The following CCDC171 variants were observed in gnomAD, a reference collection of about 807,000 sequenced individuals.
The protein encoded by CCDC171 is coiled-coil domain containing 171.
In CCDC171, 177 loss-of-function variants were observed where a neutral mutation model predicts 168.2. The observed-to-expected ratio is 1.05, with a 90% confidence interval of 0.93 to 1.19. The LOEUF is 1.19. Ranked by LOEUF, CCDC171 falls within the 50% of genes most tolerant of loss-of-function variation. CCDC171 has a pLI of 0.00. For missense variants in CCDC171, 1,991 were observed against 1,539.0 expected (o/e 1.29, Z -4.91); for synonymous variants, 687 against 540.8 (o/e 1.27, Z -3.75).
At chr9:15,642,855 A>C (rs1587682602) in intron 7 of CCDC171, among the ~76,000 whole-genome samples, 1 of 152,166 alleles carries the variant, frequency 6.6e-6, no homozygotes, top group African/African-American at 2.4e-5. Flanking sequence ...TGGAGTGAAA[A>C]CTAGATCATT....
chr9:16,035,440 A>G (rs1418963431), intron 6 of CCDC171: 1 of 152,104 alleles, frequency 6.6e-6, no homozygotes, highest in East Asian at 1.9e-4. Flanking sequence ...GAGTTCACAG[A>G]TTACTTCCTG....
At chr9:16,037,434 T>C (rs1156721889) in intron 8 of CCDC171, among the ~76,000 whole-genome samples, 1 of 152,148 alleles carries the variant, frequency 6.6e-6, no homozygotes, top group Non-Finnish European at 1.5e-5. Context: ...CTGAAGATGA[T>C]CTCAGCTTCC....
chr9:16,056,225 T>C (rs1304684260), intron 1 of CCDC171, among the ~76,000 whole-genome samples: 1 of 152,244 alleles, frequency 6.6e-6, no homozygotes, highest in East Asian at 1.9e-4. Flanking sequence ...TTCCACATTT[T>C]TGTAATGAGT....
intron 21 of CCDC171, among the ~76,000 whole-genome samples, chr9:15,839,761 C>A (rs929207444): frequency 6.6e-6 from 1 of 152,066 alleles, no homozygotes; most frequent in Non-Finnish European, 1.5e-5. Context: ...TGGAACACTC[C>A]CCATAGTGAA....
At chr9:15,682,952 G>A (rs1418060417) in intron 10 of CCDC171, among the ~76,000 whole-genome samples, 10 of 151,920 alleles carry the variant, frequency 6.6e-5, no homozygotes. Context: ...ATCCAGCTGG[G>A]TCTTTTAGAC....
chr9:15,846,442 A>G (rs1451286924), intron 21 of CCDC171, among the ~76,000 whole-genome samples: 2 of 152,160 alleles, frequency 1.3e-5, no homozygotes, highest in African/African-American at 4.8e-5. Flanking sequence ...TATTTTTAGT[A>G]AGAATACAAT....
At chr9:15,743,486 CTT>C (rs2055040426) in intron 16 of CCDC171, among the ~76,000 whole-genome samples, 2 of 152,046 alleles carry the variant, frequency 1.3e-5, no homozygotes, top group African/African-American at 2.4e-5. Flanking sequence ...TAATTTTACT[CTT>C]TCTTTCAAGA....
chr9:16,089,806 C>T, the CCDC171 span, among the ~76,000 whole-genome samples: 2 of 151,720 alleles, frequency 1.3e-5, no homozygotes, highest in African/African-American at 4.8e-5. Flanking sequence ...TTTATGCACT[C>T]AAGAAACATG....
At chr9:15,927,599 C>T (rs1407634810) in intron 25 of CCDC171, among the ~76,000 whole-genome samples, 2 of 151,466 alleles carry the variant, frequency 1.3e-5, no homozygotes, top group African/African-American at 2.4e-5. Flanking sequence ...AGGACCATTC[C>T]ATTAGTGTCT....
the CCDC171 span, among the ~76,000 whole-genome samples, chr9:16,067,772 T>C: frequency 6.6e-6 from 1 of 152,232 alleles, no homozygotes; most frequent in Non-Finnish European, 1.5e-5. Flanking sequence ...CAGATAGTTG[T>C]AGATATGCAG....
intron 24 of CCDC171, among the ~76,000 whole-genome samples, chr9:15,889,902 T>G (rs1195804806): frequency 6.6e-6 from 1 of 152,212 alleles, no homozygotes; most frequent in African/African-American, 2.4e-5. Context: ...GTTCGTATCC[T>G]GGATTCCTGG....
intron 6 of CCDC171, among the ~76,000 whole-genome samples, chr9:15,602,277 T>C (rs1316546852): frequency 1.4e-5 from 2 of 145,506 alleles, no homozygotes; most frequent in Non-Finnish European, 1.6e-5. Flanking sequence ...AATTTTCTTC[T>C]CTGTTGGCTG....
chr9:15,959,280 G>T (rs1288861929), intron 25 of CCDC171, among the ~76,000 whole-genome samples: 1 of 152,112 alleles, frequency 6.6e-6, no homozygotes, highest in Non-Finnish European at 1.5e-5. Context: ...TATCTATAAA[G>T]TAACAGGTCT....
At chr9:15,847,235 A>G (rs2060937627) in intron 22 of CCDC171, among the ~76,000 whole-genome samples, 2 of 152,046 alleles carry the variant, frequency 1.3e-5, no homozygotes, top group South Asian at 4.1e-4. Flanking sequence ...ATATATTATT[A>G]TATACTAATA....
intron 7 of CCDC171, among the ~76,000 whole-genome samples, chr9:15,644,239 A>T (rs943237360): frequency 2.6e-5 from 4 of 152,090 alleles, no homozygotes; most frequent in African/African-American, 9.7e-5. Context: ...ATTTTCTGTT[A>T]TTTAAATTAT....
intron 25 of CCDC171, among the ~76,000 whole-genome samples, chr9:15,950,314 C>A (rs1260429834): frequency 6.6e-6 from 1 of 152,028 alleles, no homozygotes; most frequent in Non-Finnish European, 1.5e-5. Context: ...CTCCAAGACA[C>A]ATAATTGTCT....
chr9:15,770,995 G>A (rs2056982991), intron 18 of CCDC171, among the ~76,000 whole-genome samples: 1 of 151,970 alleles, frequency 6.6e-6, no homozygotes, highest in Non-Finnish European at 1.5e-5. Flanking sequence ...CCACTCAATG[G>A]ATAATGAATA....
chr9:15,596,396 T>G lies in CCDC171; in HGVS notation c.675+2224T>G, dbSNP rs1178947246. Among the ~76,000 whole-genome samples the G allele has an allele frequency of 1.5e-4, 22 of 151,616 alleles. 1 individual carries two copies. In the East Asian group the frequency reaches 3.3e-3, roughly 23 times the overall value. On this transcript the variant is annotated intron_variant, in intron 6 of 25. Transcript: ENST00000380701. ...AGTTTTCCCAGCACCATTTATTAAA[T>G]AGGGAATCCTTTCCCCATTTCTTGT...
intron 15 of CCDC171, among the ~76,000 whole-genome samples, chr9:15,729,041 TA>T: frequency 6.6e-6 from 1 of 152,284 alleles, no homozygotes; most frequent in African/African-American, 2.4e-5. Context: ...AATGTGTACA[TA>T]ATGGATTTGA....
Sources: allele counts gnomAD v4.1 joint callset (sites outside exome capture counted in the v4.1 genomes callset), GRCh38; gene constraint gnomAD v4.1.1; transcripts MANE v1.5; gene names NCBI Gene and HGNC (gene_info 2026-07-23, HGNC 2026-07-21).